The following FAM135A variants were observed in gnomAD, a reference collection of about 807,000 sequenced individuals.
FAM135A encodes the protein protein FAM135A.
Under a neutral mutation model 146.8 loss-of-function variants are expected in FAM135A, and 79 were observed. The ratio of observed to expected loss-of-function variants is 0.54; its 90% CI spans 0.45 to 0.65. The LOEUF (loss-of-function observed/expected upper bound fraction) is 0.65. Among genes scored for constraint, FAM135A ranks in the 30% least tolerant of loss-of-function variants. FAM135A has a pLI of 0.00. For synonymous variants in FAM135A, 562 were observed against 603.6 expected (o/e 0.93, Z 1.01); for missense variants, 1,623 against 1,758.2 (o/e 0.92, Z 1.38).
At chr6:70,484,348 C>T (rs1784243740) in intron 10 of FAM135A, among the ~76,000 whole-genome samples, 1 of 151,964 alleles carries the variant, frequency 6.6e-6, no homozygotes, top group Admixed American at 6.6e-5. Context: ...GTAATATTTA[C>T]AAAGAAAAAC....
intron 13 of FAM135A, among the ~76,000 whole-genome samples, chr6:70,523,186 T>C (rs1793981143): frequency 6.6e-6 from 1 of 152,198 alleles, no homozygotes; most frequent in Non-Finnish European, 1.5e-5. Context: ...CATGGTTTTC[T>C]TGGCATTGAC....
intron 4 of FAM135A, among the ~76,000 whole-genome samples, chr6:70,436,207 A>G (rs553795441): frequency 5.3e-5 from 8 of 151,740 alleles, no homozygotes; most frequent in African/African-American, 1.9e-4. Context: ...AAAAAAGTTC[A>G]GGAATTGAGG....
intron 10 of FAM135A, among the ~76,000 whole-genome samples, chr6:70,483,182 T>C (rs1172488923): frequency 6.6e-6 from 1 of 152,192 alleles, no homozygotes; most frequent in East Asian, 1.9e-4. Flanking sequence ...GAGAAAATGC[T>C]GGCTATTGTG....
chr6:70,546,866 A>T (rs1414822472), intron 20 of FAM135A, among the ~76,000 whole-genome samples: 2 of 152,210 alleles, frequency 1.3e-5, no homozygotes, highest in Non-Finnish European at 2.9e-5. Flanking sequence ...ATTGGATAGC[A>T]GGGAAAAGAA....
intron 2 of FAM135A, among the ~76,000 whole-genome samples, chr6:70,417,163 A>G (rs1050977359): frequency 4.6e-5 from 7 of 152,102 alleles, no homozygotes; most frequent in Admixed American, 4.6e-4. Context: ...AAATTATAGC[A>G]TATTTCCTTT....
chr6:70,447,865 A>T (rs954364371), intron 4 of FAM135A, among the ~76,000 whole-genome samples: 5 of 152,134 alleles, frequency 3.3e-5, no homozygotes, highest in African/African-American at 1.2e-4. Context: ...GAAGTGGAGT[A>T]TTTCCTTTAT....
At chr6:70,493,067 CA>C (rs1252744890) in intron 11 of FAM135A, among the ~76,000 whole-genome samples, 1 of 151,718 alleles carries the variant, frequency 6.6e-6, no homozygotes, top group Non-Finnish European at 1.5e-5. Flanking sequence ...CCCATGTAGC[CA>C]TTTAAAAGCA....
intron 9 of FAM135A, 56 bp from the exon 10 acceptor site, chr6:70,481,945 A>G: frequency 1.4e-6 from 2 of 1,480,598 alleles, no homozygotes; most frequent in Admixed American, 2.3e-5. Context: ...TCCAAGTTTC[A>G]CATGTAACAT....
chr6:70,473,157 C>T (rs1781944415), intron 5 of FAM135A, among the ~76,000 whole-genome samples: 1 of 152,196 alleles, frequency 6.6e-6, no homozygotes, highest in South Asian at 2.1e-4. Flanking sequence ...GGGGCATTCT[C>T]TTCCAGCTAG....
At chr6:70,522,951 A>G (rs1793936035) in intron 13 of FAM135A, among the ~76,000 whole-genome samples, 1 of 152,132 alleles carries the variant, frequency 6.6e-6, no homozygotes, top group Admixed American at 6.5e-5. Flanking sequence ...ATTTTCATAT[A>G]TACTGTCTTC....
intron 11 of FAM135A, among the ~76,000 whole-genome samples, chr6:70,501,527 G>T (rs931685063): frequency 1.3e-5 from 2 of 152,100 alleles, no homozygotes; most frequent in Admixed American, 6.5e-5. Flanking sequence ...GGGGTTCCAG[G>T]CACCACTGGG....
At chr6:70,460,592 A>G (rs1408378074) in intron 5 of FAM135A, among the ~76,000 whole-genome samples, 1 of 152,252 alleles carries the variant, frequency 6.6e-6, no homozygotes, top group African/African-American at 2.4e-5. Flanking sequence ...AAGGAAGATC[A>G]TAAGCGTCCA....
In FAM135A at chr6:70,452,660, CTGT is replaced by C. The variant is rs981162108; in HGVS notation, c.157+90_157+92del. 26 of 849,864 alleles carry C rather than the reference CTGT, an allele frequency of 3.1e-5. No individual in the cohort carries two copies. The African/African-American group carries it at 3.4e-4, about 11-fold the overall frequency. 52.6% of individuals were successfully genotyped at this position (849,864 alleles called of 1,614,324 possible). ...TTTTTTCATTACAGATATAAGATAC[CTGT>C]AATGGTATAACATCATTATGATAAC... On this transcript the variant is annotated intron_variant, in intron 5 of 21. Transcript: ENST00000418814.
rs1180241156 is a variant in FAM135A at position 70,524,602 on chromosome 6, A to C, written c.1518A>C (p.Thr506=). The C allele has an allele frequency of 1.3e-6, 2 of 1,542,334 alleles. No homozygotes were observed. The highest frequency in any genetic ancestry group is 1.4e-5 in the African/African-American group (1 of 72,180). The change falls in exon 15 of 22, where the codon ACA becomes ACC. Residue 506 remains threonine (T), a synonymous_variant. Coordinates refer to ENST00000418814, the MANE Select transcript of FAM135A (RefSeq NM_001162529.3). The part of the protein sequence containing the change: ...KLMKTMKSEN[T]KKLIKQNSKD... ...TGAAAACAATGAAATCTGAAAACAC[A>C]AAAAAATTAATAAAACAGAACTCTA...
At chr6:70,558,567 T>G (rs1801351589) in intron 21 of FAM135A, among the ~76,000 whole-genome samples, 1 of 152,190 alleles carries the variant, frequency 6.6e-6, no homozygotes, top group African/African-American at 2.4e-5. Context: ...CCCAGCACTT[T>G]GGGAGGCTGA....
intron 1 of FAM135A, chr6:70,414,039 T>G (rs566361103): frequency 1.0e-6 from 1 of 985,726 alleles, no homozygotes; most frequent in East Asian, 1.1e-4. Context: ...CTGCTCCATC[T>G]TCGTCGCTCT....
chr6:70,528,294 T>C lies in FAM135A; in HGVS notation c.3617T>C (p.Phe1206Ser). 1 of 1,605,296 alleles carries C rather than the reference T, an allele frequency of 6.2e-7. No individual in the cohort carries two copies. The highest frequency in any genetic ancestry group is 8.5e-7 in the Non-Finnish European group (1 of 1,177,122). The change falls in exon 16 of 22, where the codon TTC becomes TCC. Residue 1206 changes from phenylalanine to serine, a missense_variant and splice_region_variant. This residue lies in a region of FAM135A where 1,061 missense variants were observed against 1,113.8 expected (regional missense o/e 0.95). Transcript: ENST00000418814. ...GTATCTTTTGTATTTTGCTTCAGCT[T>C]CCTTCAGGCAAAAGAAGAACTGAAG... Reference protein sequence around the residue: ...ESSPKPQIQAFLQAKEELKLL... With the variant: ...ESSPKPQIQASLQAKEELKLL...
At chr6:70,417,628 G>A (rs1355402578) in intron 2 of FAM135A, 7 of 985,100 alleles carry the variant, frequency 7.1e-6, no homozygotes, top group Non-Finnish European at 8.4e-6. Flanking sequence ...TTGCCTATAG[G>A]ATGCAGCTGT....
intron 2 of FAM135A, among the ~76,000 whole-genome samples, chr6:70,423,157 C>A (rs1415546598): frequency 6.6e-6 from 1 of 152,142 alleles, no homozygotes; most frequent in Admixed American, 6.5e-5. Context: ...GAATATATTT[C>A]ATGCGTTCAA....
Sources: gnomAD v4.1 joint callset for allele counts (sites outside exome capture counted in the v4.1 genomes callset) on GRCh38, gnomAD v4.1.1 for gene constraint, gnomAD v4.1.1 regional missense constraint, MANE v1.5 for transcripts, NCBI Gene and HGNC (gene_info 2026-07-23, HGNC 2026-07-21) for gene names.